The following CCDC71L variants were observed in gnomAD, a reference collection of about 807,000 sequenced individuals.
CCDC71L encodes the protein coiled-coil domain-containing protein 71L.
Under a neutral mutation model 10.2 loss-of-function variants are expected in CCDC71L, and 6 were observed. The ratio of observed to expected loss-of-function variants is 0.59; its 90% CI spans 0.32 to 1.16. CCDC71L has a LOEUF of 1.16. CCDC71L is among the 50% of genes most tolerant of loss of function. The pLI, the probability that CCDC71L is intolerant of heterozygous loss-of-function variation, is 0.05. For synonymous variants in CCDC71L, 204 were observed against 175.5 expected (o/e 1.16, Z -1.28); for missense variants, 366 against 383.4 (o/e 0.95, Z 0.38).
chr7:106,660,235 A>C lies in CCDC71L; in HGVS notation c.662T>G (p.Leu221Arg). The change falls in exon 1 of 1, where the codon CTG becomes CGG. Residue 221 changes from leucine (L) to arginine (R), a missense_variant. Transcript: ENST00000523505. This position sits in a 1 kb window ranked among gnomAD's most constrained non-coding sequence, Gnocchi z 7.5. The stretch of plus-strand genomic sequence containing the variant: ...GCGGCGGAGCCTCACCATGGGTTCC[A>C]GGTTCACTCGCAGGACCTGGCGCGC... ...RRARQVLRVN[L>R]EPMVRLRRFP... The C allele has an allele frequency of 6.3e-7, 1 of 1,577,990 alleles. No homozygotes were observed. The highest frequency in any genetic ancestry group is 1.1e-5 in the South Asian group (1 of 89,444).
rs144412286 is a variant in CCDC71L at position 106,657,653 on chromosome 7, T to A, written c.*2536A>T. ...AACTATATTAGATGTTGCTTCACAT[T>A]TTAAAAGTTGTCACATAGGTTTTTA... On this transcript the variant is annotated 3_prime_UTR_variant, in exon 1 of 1. Transcript: ENST00000523505. The A allele has an allele frequency of 2.9e-3, 445 of 152,358 alleles. 3 individuals are homozygous for A. The highest frequency in any genetic ancestry group is 0.01 in the African/African-American group (429 of 41,592). The allele number at this position is 152,358 out of a possible 1,614,324, so 9.4% of individuals were successfully genotyped here.
In CCDC71L at chr7:106,660,077, G is replaced by C; in HGVS notation, c.*112C>G. 2 of 1,319,476 alleles carry C rather than the reference G, an allele frequency of 1.5e-6. No individual in the cohort carries two copies. The highest frequency in any genetic ancestry group is 9.8e-7 in the Non-Finnish European group (1 of 1,021,566). The allele number at this position is 1,319,476 out of a possible 1,614,324, so 81.7% of individuals were successfully genotyped here. ...TTCTTCGCGCGTAAAGTGCATTGGG[G>C]GCCGGGGTCCTGGCCGGATCTGTAA... On this transcript the variant is annotated 3_prime_UTR_variant, in exon 1 of 1. Coordinates refer to ENST00000523505, the MANE Select transcript of CCDC71L (RefSeq NM_175884.6). The surrounding 1 kb of genome is among the most constrained non-coding windows in gnomAD (Gnocchi z 7.5).
rs1007481474 is a variant in CCDC71L, at chr7:106,660,990, G to A, written c.-94C>T. The A allele has an allele frequency of 2.3e-6, 3 of 1,291,286 alleles. No homozygotes were observed. Among genetic ancestry groups the A allele is most frequent in the African/African-American group, 1.6e-5 (1 of 64,142 alleles). 80.0% of individuals were successfully genotyped at this position (1,291,286 alleles called of 1,614,324 possible). A position where few individuals can be genotyped will look rare whatever the true frequency, so the allele number is the denominator to read the frequency against. On this transcript the variant is annotated 5_prime_UTR_variant, in exon 1 of 1. Transcript: ENST00000523505. This position sits in a 1 kb window ranked among gnomAD's most constrained non-coding sequence, Gnocchi z 7.5. ...GGCTCCGCGGCGGCGGCTGCTGCTG[G>A]CGTCTCTCGCTACTTTTCTCGCCTC...
rs2116090242 is a variant in CCDC71L at position 106,655,523 on chromosome 7, T to C, written c.*4666A>G. Reference sequence around the variant, plus strand: ...TTATACAAACTATAGCTTGGTTCTATGCATATAAATTAACATCATTTATAA... The same window carrying C: ...TTATACAAACTATAGCTTGGTTCTACGCATATAAATTAACATCATTTATAA... On this transcript the variant is annotated 3_prime_UTR_variant, in exon 1 of 1. Coordinates refer to ENST00000523505, the MANE Select transcript of CCDC71L (RefSeq NM_175884.6). 6.6e-6 allele frequency among the ~76,000 whole-genome samples: 1 copy of C among 152,318 alleles called. No homozygotes were observed. The highest frequency in any genetic ancestry group is 1.9e-4 in the East Asian group (1 of 5,190).
chr7:106,660,546 G>C lies in CCDC71L; in HGVS notation c.351C>G (p.Ala117=), dbSNP rs1244398826. ...LVPDPPGPPT[A]RGQARRPVPR... is the part of the protein sequence containing the mutation. ...GAACCGGCCGGCGCGCCTGGCCGCG[G>C]GCTGTAGGGGGCCCCGGGGGGTCGG... The change falls in exon 1 of 1, where the codon GCC becomes GCG. Residue 117 remains alanine, a synonymous_variant. Coordinates refer to ENST00000523505, the MANE Select transcript of CCDC71L (RefSeq NM_175884.6). This position sits in a 1 kb window ranked among gnomAD's most constrained non-coding sequence, Gnocchi z 7.5. The C allele has an allele frequency of 2.2e-5, 33 of 1,493,478 alleles. No homozygotes were observed. Among genetic ancestry groups the C allele is most frequent in the Non-Finnish European group, 2.9e-5 (32 of 1,119,722 alleles). The allele number at this position is 1,493,478 out of a possible 1,614,324, so 92.5% of individuals were successfully genotyped here. A position where few individuals can be genotyped will look rare whatever the true frequency, so the allele number is the denominator to read the frequency against.
In CCDC71L at chr7:106,657,957, G is replaced by A. The variant is rs1792518309; in HGVS notation, c.*2232C>T. On this transcript the variant is annotated 3_prime_UTR_variant, in exon 1 of 1. Transcript: ENST00000523505. The stretch of plus-strand genomic sequence containing the variant: ...GGTGTGCTGAGCAGTTATCCTCCCA[G>A]TTAAGCCAAATTTCAAAATCCTCTG... 1 of 152,156 alleles carries A rather than the reference G, an allele frequency of 6.6e-6. No homozygotes were observed. The highest frequency in any genetic ancestry group is 1.5e-5 in the Non-Finnish European group (1 of 68,018). The allele number at this position is 152,156 out of a possible 1,614,324, so 9.4% of individuals were successfully genotyped here. A position where few individuals can be genotyped will look rare whatever the true frequency, so the allele number is the denominator to read the frequency against.
rs1008049831 is a variant in CCDC71L, at chr7:106,655,255, G to C, written c.*4934C>G. On this transcript the variant is annotated 3_prime_UTR_variant, in exon 1 of 1. Coordinates refer to ENST00000523505, the MANE Select transcript of CCDC71L (RefSeq NM_175884.6). ...TGACTTTCATCTAATAATTTTCCAG[G>C]AAATTATTTTGTGTCAACTTCAGAT... Among the ~76,000 whole-genome samples, 1 of 152,052 alleles carries C rather than the reference G, an allele frequency of 6.6e-6. No homozygotes were observed. The highest frequency in any genetic ancestry group is 1.5e-5 in the Non-Finnish European group (1 of 67,970).
At position 106,660,985 on chromosome 7, in the gene CCDC71L, T is replaced by A; in HGVS notation, c.-89A>T. The stretch of plus-strand genomic sequence containing the variant: ...GCGTTGGCTCCGCGGCGGCGGCTGC[T>A]GCTGGCGTCTCTCGCTACTTTTCTC... On this transcript the variant is annotated 5_prime_UTR_variant, in exon 1 of 1. Transcript: ENST00000523505. The surrounding 1 kb of genome is among the most constrained non-coding windows in gnomAD (Gnocchi z 7.5). The A allele has an allele frequency of 2.3e-5, 30 of 1,292,484 alleles. No homozygotes were observed. The highest frequency in any genetic ancestry group is 2.8e-5 in the Non-Finnish European group (29 of 1,022,532). The allele number at this position is 1,292,484 out of a possible 1,614,324, so 80.1% of individuals were successfully genotyped here.
Position 106,660,854 on chromosome 7 carries a change from C to A in CCDC71L, c.43G>T (p.Ala15Ser), listed in dbSNP as rs542839626. ...CCGCCCCGGGCGGCCGTGGCCGGGG[C>A]GACCGGGCGCCGGCGCCGCCGCCTC... Reference protein sequence around the residue: ...MKRRRRRRPVAPATAARGGDF... With the variant: ...MKRRRRRRPVSPATAARGGDF... Residue 15 changes from alanine to serine, a missense_variant, in exon 1 of 1, where the codon GCC becomes TCC. Coordinates refer to ENST00000523505, the MANE Select transcript of CCDC71L (RefSeq NM_175884.6). This position sits in a 1 kb window ranked among gnomAD's most constrained non-coding sequence, Gnocchi z 7.5. The A allele has an allele frequency of 1.4e-6, 2 of 1,479,312 alleles. No individual in the cohort carries two copies. Among genetic ancestry groups the A allele is most frequent in the Admixed American group, 2.8e-5 (1 of 35,308 alleles). 91.6% of individuals were successfully genotyped at this position (1,479,312 alleles called of 1,614,324 possible).
In CCDC71L at chr7:106,654,888, T is replaced by C. The variant is rs1388083055; in HGVS notation, c.*5301A>G. Among the ~76,000 whole-genome samples the C allele has an allele frequency of 6.6e-6, 1 of 152,114 alleles. No individual in the cohort carries two copies. Among genetic ancestry groups the C allele is most frequent in the African/African-American group, 2.4e-5 (1 of 41,428 alleles). ...TTTTTTCTGTACTCTTTAAAGAATA[T>C]GTACTTGAAAAAAATCCTTGAAAAG... On this transcript the variant is annotated 3_prime_UTR_variant, in exon 1 of 1. Transcript: ENST00000523505.
Position 106,659,967 on chromosome 7 carries a change from G to T in CCDC71L, c.*222C>A. The T allele has an allele frequency of 1.7e-6, 1 of 573,102 alleles. No individual in the cohort carries two copies. Among genetic ancestry groups the T allele is most frequent in the Non-Finnish European group, 2.8e-6 (1 of 351,198 alleles). 35.5% of individuals were successfully genotyped at this position (573,102 alleles called of 1,614,324 possible). On this transcript the variant is annotated 3_prime_UTR_variant, in exon 1 of 1. Transcript: ENST00000523505. ...GCTGTCCCCTCCCTCCGCAGGCCGG[G>T]TACGGGAGGCAGCAGAGGGCACACC...
Position 106,661,033 on chromosome 7 carries a change from CT to C in CCDC71L, c.-138del. 2.5e-6 allele frequency: 3 copies of C among 1,218,146 alleles called. No homozygotes were observed. The highest frequency in any genetic ancestry group is 3.1e-6 in the Non-Finnish European group (3 of 953,960). The allele number at this position is 1,218,146 out of a possible 1,614,324, so 75.5% of individuals were successfully genotyped here. On this transcript the variant is annotated 5_prime_UTR_variant, in exon 1 of 1. It removes the in-frame stop codon of an upstream open reading frame in the 5' UTR. Transcript: ENST00000523505. ...CTCGCCTCCGCCGCCGCCCCTCCCC[CT>C]CCGAGGGCGGAGGACGCGGGCGAAT...
At position 106,655,509 on chromosome 7, in the gene CCDC71L, A is replaced by G. The variant is rs1297751305; in HGVS notation, c.*4680T>C. Among the ~76,000 whole-genome samples, 1 of 152,180 alleles carries G rather than the reference A, an allele frequency of 6.6e-6. No individual in the cohort carries two copies. The highest frequency in any genetic ancestry group is 1.5e-5 in the Non-Finnish European group (1 of 68,020). Reference sequence around the variant, plus strand: ...CTGAATTATAAACTTTATACAAACTATAGCTTGGTTCTATGCATATAAATT... The same window carrying G: ...CTGAATTATAAACTTTATACAAACTGTAGCTTGGTTCTATGCATATAAATT... On this transcript the variant is annotated 3_prime_UTR_variant, in exon 1 of 1. Coordinates refer to ENST00000523505, the MANE Select transcript of CCDC71L (RefSeq NM_175884.6).
chr7:106,660,628 G>C lies in CCDC71L; in HGVS notation c.269C>G (p.Pro90Arg), dbSNP rs1792577754. 1 of 1,589,678 alleles carries C rather than the reference G, an allele frequency of 6.3e-7. No individual in the cohort carries two copies. The highest frequency in any genetic ancestry group is 8.6e-7 in the Non-Finnish European group (1 of 1,168,602). ...FLCSLKHQFS[P>R]HILRSKDVYG... ...GACGTCCTTGCTGCGCAGGATGTGC[G>C]GGGAGAACTGGTGCTTGAGGCTGCA... is the stretch of plus-strand genomic sequence containing the variant. Residue 90 changes from proline to arginine, a missense_variant, in exon 1 of 1, where the codon CCG (proline) becomes CGG (arginine). Pro to Arg is a moderately radical substitution (Grantham distance 103, BLOSUM62 -2). Coordinates refer to ENST00000523505, the MANE Select transcript of CCDC71L (RefSeq NM_175884.6). The surrounding 1 kb of genome is among the most constrained non-coding windows in gnomAD (Gnocchi z 7.5).
Position 106,660,487 on chromosome 7 carries a change from G to C in CCDC71L, c.410C>G (p.Ala137Gly). ...RAAARRRRRG[A>G]RAAAARRRKP... ...CCTCCTGCGGGCAGCGGCCGCCCGGGCTCCGCGGCGCCTCCTCCTGGCCGC... is the reference window on the plus strand; with the variant it reads ...CCTCCTGCGGGCAGCGGCCGCCCGGCCTCCGCGGCGCCTCCTCCTGGCCGC... Residue 137 changes from alanine to glycine, a missense_variant, in exon 1 of 1, where the codon GCC becomes GGC. Ala to Gly is a moderately conservative substitution (Grantham distance 60). Coordinates refer to ENST00000523505, the MANE Select transcript of CCDC71L (RefSeq NM_175884.6). This position sits in a 1 kb window ranked among gnomAD's most constrained non-coding sequence, Gnocchi z 7.5. 1 of 1,227,806 alleles carries C rather than the reference G, an allele frequency of 8.1e-7. No homozygotes were observed. Among genetic ancestry groups the C allele is most frequent in the Non-Finnish European group, 1.0e-6 (1 of 985,716 alleles). 76.1% of individuals were successfully genotyped at this position (1,227,806 alleles called of 1,614,324 possible).
chr7:106,658,941 TTA>T lies in CCDC71L; in HGVS notation c.*1246_*1247del, dbSNP rs1792537703. On this transcript the variant is annotated 3_prime_UTR_variant, in exon 1 of 1. Transcript: ENST00000523505. ...TCAACTAAAAATCAACTAATTTTCA[TTA>T]TGTTTGTAAAACTGATGAATATTAG... 1 of 152,284 alleles carries T rather than the reference TTA, an allele frequency of 6.6e-6. No homozygotes were observed. Among genetic ancestry groups the T allele is most frequent in the Non-Finnish European group, 1.5e-5 (1 of 68,030 alleles). 9.4% of individuals were successfully genotyped at this position (152,284 alleles called of 1,614,324 possible). A position where few individuals can be genotyped will look rare whatever the true frequency, so the allele number is the denominator to read the frequency against.
rs1792494177 is a variant in CCDC71L at position 106,656,530 on chromosome 7, A to G, written c.*3659T>C. Reference sequence around the variant, plus strand: ...TTGTAGGATATTTTATTGCTGGCAAACTGGTTAATAAGTTGGGCTTGTAGC... The same window carrying G: ...TTGTAGGATATTTTATTGCTGGCAAGCTGGTTAATAAGTTGGGCTTGTAGC... On this transcript the variant is annotated 3_prime_UTR_variant, in exon 1 of 1. Coordinates refer to ENST00000523505, the MANE Select transcript of CCDC71L (RefSeq NM_175884.6). Among the ~76,000 whole-genome samples, 1 of 152,072 alleles carries G rather than the reference A, an allele frequency of 6.6e-6. No homozygotes were observed. The highest frequency in any genetic ancestry group is 2.1e-4 in the South Asian group (1 of 4,822).
At position 106,660,591 on chromosome 7, in the gene CCDC71L, G is replaced by A. The variant is rs377433016; in HGVS notation, c.306C>T (p.Ser102=). The change falls in exon 1 of 1, where the codon TCC becomes TCT. Residue 102 remains serine, a synonymous_variant. Coordinates refer to ENST00000523505, the MANE Select transcript of CCDC71L (RefSeq NM_175884.6). The surrounding 1 kb of genome is among the most constrained non-coding windows in gnomAD (Gnocchi z 7.5). ...ILRSKDVYGY[S]SCRALVPDPP... is the part of the protein sequence containing the mutation. ...GGTCGGGTACCAGGGCCCGGCAGGA[G>A]GAGTAGCCGTAGACGTCCTTGCTGC... 2.7e-5 allele frequency: 43 copies of A among 1,569,460 alleles called. No individual in the cohort carries two copies. The highest frequency in any genetic ancestry group is 6.9e-5 in the African/African-American group (5 of 72,556).
rs1792582554 is a variant in CCDC71L at position 106,660,824 on chromosome 7, A to C, written c.73T>G (p.Phe25Val). Residue 25 changes from phenylalanine (F) to valine (V), a missense_variant, in exon 1 of 1, where the codon TTT becomes GTT. Coordinates refer to ENST00000523505, the MANE Select transcript of CCDC71L (RefSeq NM_175884.6). This position sits in a 1 kb window ranked among gnomAD's most constrained non-coding sequence, Gnocchi z 7.5. ...APATAARGGD[F>V]RAEDGAGLEA... ...AACCCAGCCCCGTCTTCTGCCCTAA[A>C]GTCGCCGCCCCGGGCGGCCGTGGCC... The C allele has an allele frequency of 2.6e-6, 4 of 1,532,250 alleles. No homozygotes were observed. The highest frequency in any genetic ancestry group is 3.5e-6 in the Non-Finnish European group (4 of 1,139,762). 94.9% of individuals were successfully genotyped at this position (1,532,250 alleles called of 1,614,324 possible).
Sources: gnomAD v4.1 joint callset for allele counts (sites outside exome capture counted in the v4.1 genomes callset) on GRCh38, gnomAD v4.1.1 for gene constraint, Gnocchi (gnomAD v3.1) non-coding constraint, MANE v1.5 for transcripts, NCBI Gene and HGNC (gene_info 2026-07-23, HGNC 2026-07-21) for gene names.